The following ARID5B variants were observed in gnomAD, a reference collection of about 807,000 sequenced individuals.
ARID5B encodes the protein AT-rich interaction domain 5B, also known as AT-rich interactive domain-containing protein 5B.
A neutral mutation model predicts 97.2 loss-of-function variants in ARID5B; 13 were observed. The observed-to-expected ratio is 0.13, with a 90% confidence interval of 0.09 to 0.21. The LOEUF (loss-of-function observed/expected upper bound fraction) is 0.21, where lower values mean the gene tolerates loss of function less well. Among genes scored for constraint, ARID5B ranks in the 10% least tolerant of loss-of-function variants. The pLI is 1.00. For synonymous variants in ARID5B, 556 were observed against 570.3 expected, an observed-to-expected ratio of 0.97 and a Z score of 0.36; for missense variants, 1,210 against 1,465.3, an observed-to-expected ratio of 0.83 and a Z score of 2.84.
intron 4 of ARID5B, among the ~76,000 whole-genome samples, chr10:62,014,462 G>A (rs1839258348): frequency 6.6e-6 from 1 of 152,140 alleles, no homozygotes; most frequent in Non-Finnish European, 1.5e-5. Context: ...ATGTTCCTTG[G>A]GTAGTTGCAG....
chr10:61,939,227 T>G (rs1844358184), intron 2 of ARID5B, among the ~76,000 whole-genome samples: 2 of 152,100 alleles, frequency 1.3e-5, no homozygotes, highest in African/African-American at 4.8e-5. Context: ...ATGAAAGAAG[T>G]CAGTTCAAGT....
At chr10:61,960,923 T>C (rs1322806988) in intron 3 of ARID5B, among the ~76,000 whole-genome samples, 1 of 152,248 alleles carries the variant, frequency 6.6e-6, no homozygotes, top group Non-Finnish European at 1.5e-5. Context: ...CGGCAAGTTG[T>C]AGAGTATCAG....
chr10:61,950,204 C>T lies in ARID5B; in HGVS notation c.502+9796C>T, dbSNP rs1490384727. Among the ~76,000 whole-genome samples, 5 of 152,312 alleles carry T rather than the reference C, an allele frequency of 3.3e-5. No individual in the cohort carries two copies. The East Asian group carries it at 9.7e-4, about 29-fold the overall frequency. ...TGTATTTTTAGTAGAGACGGGGTTT[C>T]ACCATGTTGGCCAGGGTGATCTTGA... On this transcript the variant is annotated intron_variant, in intron 3 of 9. Coordinates refer to ENST00000279873, the MANE Select transcript of ARID5B (RefSeq NM_032199.3).
chr10:62,057,381 A>C, intron 6 of ARID5B, 63 bp downstream of exon 6: 1 of 1,489,758 alleles, frequency 6.7e-7, no homozygotes, highest in Non-Finnish European at 9.3e-7. Context: ...AATTGGAAAA[A>C]ATAATTTTGA....
In ARID5B at chr10:62,095,048, T is replaced by A. The variant is rs910103944; in HGVS notation, c.*2018T>A. On this transcript the variant is annotated 3_prime_UTR_variant, in exon 10 of 10. Transcript: ENST00000279873. The stretch of plus-strand genomic sequence containing the variant: ...AGGTGGAAACAAAAGAATGTAGAGA[T>A]CCAGTGTTAAGAGTTCCATTTGCTT... 1 of 229,980 alleles carries A rather than the reference T, an allele frequency of 4.3e-6. No homozygotes were observed. The highest frequency in any genetic ancestry group is 2.2e-5 in the African/African-American group (1 of 45,108). The allele number at this position is 229,980 out of a possible 1,614,324, so 14.2% of individuals were successfully genotyped here. A position where few individuals can be genotyped will look rare whatever the true frequency, so the allele number is the denominator to read the frequency against.
At chr10:62,085,553 T>C in intron 8 of ARID5B, 149 bp from the exon 9 acceptor site, 1 of 709,094 alleles carries the variant, frequency 1.4e-6, no homozygotes, top group Non-Finnish European at 2.4e-6. Context: ...CACTAAAGTG[T>C]AGAGTAAGTT....
At position 61,902,183 on chromosome 10, in the gene ARID5B, C is replaced by T; in HGVS notation, c.46C>T (p.His16Tyr). The T allele has an allele frequency of 6.2e-7, 1 of 1,612,970 alleles. No individual in the cohort carries two copies. Among genetic ancestry groups the T allele is most frequent in the South Asian group, 1.1e-5 (1 of 91,028 alleles). ...LQWVGSPCGL[H>Y]GPYIFYKAFQ... ...GTGGGTCGGCTCACCGTGTGGCTTG[C>T]ACGGACCTTACATTTTCTACAAGGC... The change falls in exon 2 of 10, where the codon CAC (histidine) becomes TAC (tyrosine). Residue 16 changes from histidine to tyrosine, a missense_variant. By Grantham distance (83) the His-to-Tyr change is moderately conservative. This residue lies in a region of ARID5B where 80 missense variants were observed against 133.2 expected (regional missense o/e 0.60). Coordinates refer to ENST00000279873, the MANE Select transcript of ARID5B (RefSeq NM_032199.3).
Position 62,017,220 on chromosome 10 carries a change from A to AGGTGGGTG in ARID5B, c.733+16901_733+16908dup, listed in dbSNP as rs564762648. Among the ~76,000 whole-genome samples the AGGTGGGTG allele has an allele frequency of 3.9e-5, 6 of 152,334 alleles. No homozygotes were observed. The South Asian group carries it at 1.2e-3, about 32-fold the overall frequency. Reference sequence around the variant, plus strand: ...AATAAGCCATGACTTTGGGAGGCCAAGGTGGGTGGATCACCTGAGGTCAGG... The same window carrying AGGTGGGTG: ...AATAAGCCATGACTTTGGGAGGCCAAGGTGGGTGGGTGGGTGGATCACCTGAGGTCAGG... On this transcript the variant is annotated intron_variant, in intron 4 of 9. Coordinates refer to ENST00000279873, the MANE Select transcript of ARID5B (RefSeq NM_032199.3).
intron 4 of ARID5B, among the ~76,000 whole-genome samples, chr10:62,030,768 T>TA (rs1173189010): frequency 6.6e-6 from 1 of 152,220 alleles, no homozygotes; most frequent in East Asian, 1.9e-4. Context: ...CTCTTGCATG[T>TA]ATTCAACAAT....
Position 62,092,205 on chromosome 10 carries a change from G to A in ARID5B, c.2742G>A (p.Pro914=). The change falls in exon 10 of 10, where the codon CCG becomes CCA. Residue 914 remains proline (P), a synonymous_variant. Transcript: ENST00000279873. The part of the protein sequence containing the change: ...QPTDLSLPKN[P]HKPTGKVLGL... Reference sequence around the variant, plus strand: ...CAGATCTGAGCCTTCCCAAGAACCCGCACAAACCTACCGGCAAGGTCCTGG... The same window carrying A: ...CAGATCTGAGCCTTCCCAAGAACCCACACAAACCTACCGGCAAGGTCCTGG... 3.1e-6 allele frequency: 5 copies of A among 1,610,426 alleles called. No individual in the cohort carries two copies. The highest frequency in any genetic ancestry group is 3.4e-6 in the Non-Finnish European group (4 of 1,178,640).
intron 4 of ARID5B, among the ~76,000 whole-genome samples, chr10:62,011,818 A>G (rs1011072826): frequency 2.0e-5 from 3 of 152,194 alleles, no homozygotes; most frequent in African/African-American, 7.2e-5. Flanking sequence ...AGGGGAAACC[A>G]CAGTGAGACT....
rs200988655 is a variant in ARID5B, at chr10:62,000,134, C to T, written c.546C>T (p.Pro182=). 5.4e-5 allele frequency: 87 copies of T among 1,613,848 alleles called. 1 individual carries two copies. In the Middle Eastern group the frequency reaches 1.5e-3, roughly 27 times the overall value. ...EETNVIVLSY[P]QYCRYRSMLK... ...CGAACGTGATAGTTCTCAGCTACCC[C>T]CAGTACTGCCGGTACCGCTCGATGC... The change falls in exon 4 of 10, where the codon CCC becomes CCT. Residue 182 remains proline, a synonymous_variant. Transcript: ENST00000279873. This position sits in a 1 kb window ranked among gnomAD's most constrained non-coding sequence, Gnocchi z 4.4.
intron 8 of ARID5B, among the ~76,000 whole-genome samples, chr10:62,081,544 G>T (rs964715368): frequency 2.6e-5 from 4 of 152,132 alleles, no homozygotes; most frequent in South Asian, 2.1e-4. Flanking sequence ...AAAGATGAAG[G>T]GTCTTTTCTT....
At chr10:61,996,896 AT>A (rs369604801) in intron 3 of ARID5B, among the ~76,000 whole-genome samples, 2,315 of 131,138 alleles carry the variant, frequency 0.018, 46 homozygotes, top group African/African-American at 0.063. Context: ...AAAAAAAAAA[AT>A]ATATATATAT....
intron 3 of ARID5B, among the ~76,000 whole-genome samples, chr10:61,997,304 A>G (rs1164455303): frequency 6.6e-6 from 1 of 152,106 alleles, no homozygotes; most frequent in Non-Finnish European, 1.5e-5. Flanking sequence ...TTCTAGGCAC[A>G]GAAGATTGCC....
chr10:62,049,320 AG>A, intron 4 of ARID5B: 1 of 1,492,982 alleles, frequency 6.7e-7, no homozygotes, highest in South Asian at 1.3e-5. Context: ...CTGCCGGGGG[AG>A]GGGAGTTGTA....
At chr10:62,041,325 A>G (rs1457929181) in intron 4 of ARID5B, among the ~76,000 whole-genome samples, 1 of 152,170 alleles carries the variant, frequency 6.6e-6, no homozygotes, top group Non-Finnish European at 1.5e-5. Flanking sequence ...TTAGTTGGGG[A>G]TGGTGCTGGT....
At chr10:62,015,338 C>T (rs1839269771) in intron 4 of ARID5B, among the ~76,000 whole-genome samples, 1 of 152,184 alleles carries the variant, frequency 6.6e-6, no homozygotes, top group Non-Finnish European at 1.5e-5. Context: ...AGTTCAGACC[C>T]GTTTAAGGAA....
In ARID5B at chr10:62,093,094, T is replaced by C; in HGVS notation, c.*64T>C. The C allele has an allele frequency of 6.5e-7, 1 of 1,533,258 alleles. No homozygotes were observed. Among genetic ancestry groups the C allele is most frequent in the African/African-American group, 1.4e-5 (1 of 72,644 alleles). 95.0% of individuals were successfully genotyped at this position (1,533,258 alleles called of 1,614,324 possible). On this transcript the variant is annotated 3_prime_UTR_variant, in exon 10 of 10. Transcript: ENST00000279873. ...CAGAGCTTCACTCCTTACCCAGGAG[T>C]GCTGGCTTATAGAGTTAGAAGTCAG...
Sources: allele counts gnomAD v4.1 joint callset (sites outside exome capture counted in the v4.1 genomes callset), GRCh38; gene constraint gnomAD v4.1.1; regional missense constraint gnomAD v4.1.1; non-coding constraint Gnocchi (gnomAD v3.1); transcripts MANE v1.5; gene names NCBI Gene and HGNC (gene_info 2026-07-23, HGNC 2026-07-21).